BANK1: variants seen among roughly 807,000 people sequenced by gnomAD.
BANK1 encodes the protein B-cell scaffold protein with ankyrin repeats.
Under a neutral mutation model 94.5 loss-of-function variants are expected in BANK1, and 95 were observed. That is an observed-to-expected ratio of 1.00 (90% CI 0.85 to 1.19). BANK1 has a LOEUF of 1.19. BANK1 is among the 50% of genes most tolerant of loss of function. The pLI is 0.00. For missense variants in BANK1, 987 were observed against 932.2 expected (o/e 1.06, Z -0.77); for synonymous variants, 334 against 308.4 (o/e 1.08, Z -0.87).
chr4:101,956,836 A>G lies in BANK1; in HGVS notation c.1206+38647A>G, dbSNP rs1185635757. ...GCATAGAATTATATAGAAGGGAGAAAGCTCAGGGTCCTCATAGTACAGATA... is the reference window on the plus strand; with the variant it reads ...GCATAGAATTATATAGAAGGGAGAAGGCTCAGGGTCCTCATAGTACAGATA... On this transcript the variant is annotated intron_variant, in intron 7 of 16. Transcript: ENST00000322953. 5.9e-5 allele frequency among the ~76,000 whole-genome samples: 9 copies of G among 152,316 alleles called. 1 individual carries two copies. The East Asian group carries it at 1.7e-3, about 29-fold the overall frequency.
rs1340465253 is a variant in BANK1 at position 101,885,764 on chromosome 4, T to A, written c.904-9541T>A. 3.3e-5 allele frequency among the ~76,000 whole-genome samples: 5 copies of A among 152,226 alleles called. No individual in the cohort carries two copies. The East Asian group carries it at 9.6e-4, about 29-fold the overall frequency. On this transcript the variant is annotated intron_variant, in intron 5 of 16. Coordinates refer to ENST00000322953, the MANE Select transcript of BANK1 (RefSeq NM_017935.5). ...GGAACATGTTCTGAGAAATGCATTG[T>A]TAAGCAATTTCATCATTGTGCAAAC...
intron 5 of BANK1, among the ~76,000 whole-genome samples, chr4:101,872,880 C>T (rs1325757214): frequency 1.3e-5 from 2 of 151,882 alleles, no homozygotes; most frequent in African/African-American, 2.4e-5. Context: ...CCCATCTACT[C>T]AGGTGCTTGA....
At chr4:101,939,697 T>C (rs1723680191) in intron 7 of BANK1, among the ~76,000 whole-genome samples, 1 of 151,628 alleles carries the variant, frequency 6.6e-6, no homozygotes, top group South Asian at 2.1e-4. Flanking sequence ...TAGGGGAGTA[T>C]AAGGAATATT....
At chr4:101,969,522 A>G (rs539998716) in intron 7 of BANK1, among the ~76,000 whole-genome samples, 120 of 152,240 alleles carry the variant, frequency 7.9e-4, no homozygotes, top group Non-Finnish European at 1.5e-3. Context: ...AAGTTTTGGT[A>G]ATTTTATAAC....
In BANK1 at chr4:102,074,634, T is replaced by A. The variant is rs1273575142; in HGVS notation, c.*635T>A. The A allele has an allele frequency of 2.0e-5, 3 of 152,062 alleles. No individual in the cohort carries two copies. Among genetic ancestry groups the A allele is most frequent in the Admixed American group, 6.6e-5 (1 of 15,266 alleles). The allele number at this position is 152,062 out of a possible 1,614,324, so 9.4% of individuals were successfully genotyped here. A position where few individuals can be genotyped will look rare whatever the true frequency, so the allele number is the denominator to read the frequency against. Reference sequence around the variant, plus strand: ...GTATTAAGACTTGCAATTTTATCAATCTATTATTTCTTAGAAACAATTTAC... The same window carrying A: ...GTATTAAGACTTGCAATTTTATCAAACTATTATTTCTTAGAAACAATTTAC... On this transcript the variant is annotated 3_prime_UTR_variant, in exon 17 of 17. Transcript: ENST00000322953.
chr4:101,872,520 G>T (rs1306904666), intron 5 of BANK1, among the ~76,000 whole-genome samples: 1 of 152,124 alleles, frequency 6.6e-6, no homozygotes, highest in Admixed American at 6.6e-5. Context: ...TCACTGAGAA[G>T]TTGAAAAGCA....
intron 7 of BANK1, among the ~76,000 whole-genome samples, chr4:101,977,738 T>C (rs1211218157): frequency 6.6e-6 from 1 of 152,046 alleles, no homozygotes; most frequent in East Asian, 1.9e-4. Context: ...AAAAATCCTA[T>C]CTTTAACAAA....
chr4:102,073,542 A>G, intron 15 of BANK1, 142 bp from the exon 16 acceptor site: 2 of 652,660 alleles, frequency 3.1e-6, no homozygotes, highest in Non-Finnish European at 5.2e-6. Context: ...TTTAAAATGG[A>G]AGATTGTCTT....
chr4:101,929,611 A>G (rs142739784), intron 7 of BANK1, among the ~76,000 whole-genome samples: 112 of 151,702 alleles, frequency 7.4e-4, no homozygotes, highest in African/African-American at 2.4e-3. Context: ...GGGAATGAAT[A>G]TATGTACTAT....
chr4:101,870,125 A>G (rs774228650), intron 4 of BANK1, among the ~76,000 whole-genome samples: 1 of 151,992 alleles, frequency 6.6e-6, no homozygotes, highest in East Asian at 1.9e-4. Context: ...AATTGTTTTC[A>G]TAAGATAAAT....
At chr4:101,973,939 G>C (rs896036810) in intron 7 of BANK1, among the ~76,000 whole-genome samples, 1 of 151,996 alleles carries the variant, frequency 6.6e-6, no homozygotes, top group East Asian at 1.9e-4. Context: ...GTTAAAAAGT[G>C]ATATTCCAAT....
chr4:101,802,827 T>A (rs1472172416), intron 1 of BANK1, among the ~76,000 whole-genome samples: 1 of 152,216 alleles, frequency 6.6e-6, no homozygotes, highest in African/African-American at 2.4e-5. Context: ...TGAGTTACCA[T>A]GTGGGACATT....
chr4:101,883,385 C>T (rs1490623211), intron 5 of BANK1, among the ~76,000 whole-genome samples: 1 of 152,082 alleles, frequency 6.6e-6, no homozygotes, highest in Non-Finnish European at 1.5e-5. Flanking sequence ...AATATTGATT[C>T]TCTACAATTT....
At chr4:101,963,344 C>T (rs1724636818) in intron 7 of BANK1, among the ~76,000 whole-genome samples, 1 of 152,090 alleles carries the variant, frequency 6.6e-6, no homozygotes, top group African/African-American at 2.4e-5. Flanking sequence ...ATATTTTGGA[C>T]ATCATTACAA....
intron 7 of BANK1, among the ~76,000 whole-genome samples, chr4:101,967,991 G>C (rs1225498853): frequency 6.6e-6 from 1 of 151,926 alleles, no homozygotes; most frequent in Non-Finnish European, 1.5e-5. Context: ...TGGCATAGAA[G>C]GAACAGGAAT....
chr4:101,909,714 T>C (rs1167344727), intron 6 of BANK1, among the ~76,000 whole-genome samples: 1 of 152,316 alleles, frequency 6.6e-6, no homozygotes, highest in South Asian at 2.1e-4. Context: ...GGCCAGTTTA[T>C]GCCCAGATTT....
intron 7 of BANK1, among the ~76,000 whole-genome samples, chr4:101,923,400 T>G (rs1309935986): frequency 1.3e-5 from 2 of 151,792 alleles, no homozygotes; most frequent in African/African-American, 4.8e-5. Flanking sequence ...AGCTCACTAC[T>G]AAAGCTGCTC....
intron 7 of BANK1, among the ~76,000 whole-genome samples, chr4:102,010,101 TA>T (rs199666132): frequency 0.31 from 46,773 of 151,574 alleles, 8,716 homozygotes; most frequent in South Asian, 0.51. Context: ...CCGTCTCTAC[TA>T]AAAATACAAA....
rs549478763 is a variant in BANK1 at position 101,888,747 on chromosome 4, T to C, written c.904-6558T>C. Among the ~76,000 whole-genome samples, 3 of 152,338 alleles carry C rather than the reference T, an allele frequency of 2.0e-5. No homozygotes were observed. In the South Asian group the frequency reaches 6.2e-4, roughly 32 times the overall value. On this transcript the variant is annotated intron_variant, in intron 5 of 16. Coordinates refer to ENST00000322953, the MANE Select transcript of BANK1 (RefSeq NM_017935.5). Reference sequence around the variant, plus strand: ...GATAGCTTATATAGAGCCTGGCACATTAGCAGTGCTCCGCATGTGGTAGTT... The same window carrying C: ...GATAGCTTATATAGAGCCTGGCACACTAGCAGTGCTCCGCATGTGGTAGTT...
Sources: gnomAD v4.1 joint callset for allele counts (sites outside exome capture counted in the v4.1 genomes callset) on GRCh38, gnomAD v4.1.1 for gene constraint, MANE v1.5 for transcripts, NCBI Gene and HGNC (gene_info 2026-07-23, HGNC 2026-07-21) for gene names.